Variants in SYNE2 observed in about 807,000 individuals in gnomAD.
SYNE2 encodes nesprin-2.
A neutral mutation model predicts 856.3 loss-of-function variants in SYNE2; 431 were observed. The observed-to-expected ratio is 0.50, with a 90% CI of 0.47 to 0.55. The LOEUF (loss-of-function observed/expected upper bound fraction) is 0.55, where lower values mean the gene tolerates loss of function less well. Ranked by LOEUF, SYNE2 falls within the 20% of genes least tolerant of loss-of-function variation. The pLI is 0.00. For missense variants in SYNE2, 8,129 were observed against 8,023.2 expected (o/e 1.01, Z -0.50); for synonymous variants, 2,923 against 2,872.3 (o/e 1.02, Z -0.56).
At chr14:63,960,451 C>T (rs1303936796) in intron 8 of SYNE2, among the ~76,000 whole-genome samples, 1 of 152,172 alleles carries the variant, frequency 6.6e-6, no homozygotes, top group Non-Finnish European at 1.5e-5. Context: ...CTAGCATCTA[C>T]TAGCTGAATG....
At chr14:64,064,959 G>A (rs1455358883) in intron 50 of SYNE2, among the ~76,000 whole-genome samples, 1 of 151,632 alleles carries the variant, frequency 6.6e-6, no homozygotes, top group Non-Finnish European at 1.5e-5. Flanking sequence ...GTGCCTCCCA[G>A]GTTCAGTCAA....
chr14:64,097,873 C>A, intron 61 of SYNE2, 76 bp from the exon 62 acceptor site: 1 of 1,459,100 alleles, frequency 6.9e-7, no homozygotes, highest in Non-Finnish European at 9.6e-7. Flanking sequence ...AGCCCTTGTA[C>A]CAAAGGAAGC....
At chr14:64,084,971 G>A (rs1317556312) in intron 57 of SYNE2, 5 of 702,204 alleles carry the variant, frequency 7.1e-6, no homozygotes, top group Middle Eastern at 2.3e-4. Flanking sequence ...TTACAGACAC[G>A]TGGGCTCCTC....
intron 99 of SYNE2, chr14:64,190,464 A>G: frequency 1.5e-6 from 1 of 649,480 alleles, no homozygotes; most frequent in South Asian, 1.8e-5. Context: ...CTTTACATGA[A>G]TTAGAGTAGT....
chr14:64,218,319 T>C (rs2098676518), intron 108 of SYNE2, 79 bp from the exon 109 acceptor site: 1 of 1,296,608 alleles, frequency 7.7e-7, no homozygotes, highest in Non-Finnish European at 1.1e-6. Context: ...TTCTTCACTG[T>C]TAATATGAAA....
intron 77 of SYNE2, among the ~76,000 whole-genome samples, chr14:64,132,715 A>G (rs2098034988): frequency 6.6e-6 from 1 of 152,206 alleles, no homozygotes; most frequent in South Asian, 2.1e-4. Flanking sequence ...GAGACCTTGA[A>G]TGAGATCATT....
At chr14:63,820,495 A>G (rs1205694900) in intron 1 of SYNE2, among the ~76,000 whole-genome samples, 1 of 152,228 alleles carries the variant, frequency 6.6e-6, no homozygotes, top group Non-Finnish European at 1.5e-5. Context: ...GACTAGGCAT[A>G]GTTCTTACAT....
chr14:63,940,538 C>T, intron 2 of SYNE2, 76 bp from the exon 3 acceptor site: 1 of 1,332,146 alleles, frequency 7.5e-7, no homozygotes, highest in Admixed American at 1.7e-5. Context: ...GCGTGACAGA[C>T]CTTTGAAGCT....
At chr14:63,800,708 G>A (rs913346482) in intron 1 of SYNE2, among the ~76,000 whole-genome samples, 7 of 152,194 alleles carry the variant, frequency 4.6e-5, no homozygotes, top group African/African-American at 1.7e-4. Context: ...AACTAATGCA[G>A]GAACAGAAAA....
chr14:63,794,169 C>A (rs951291309), intron 1 of SYNE2, among the ~76,000 whole-genome samples: 9 of 152,096 alleles, frequency 5.9e-5, no homozygotes, highest in African/African-American at 1.2e-4. Context: ...TCAACAATAA[C>A]TGGAAACTTT....
rs1005641881 is a variant in SYNE2 at position 64,173,429 on chromosome 14, G to A, written c.17236-1515G>A. On this transcript the variant is annotated intron_variant, in intron 94 of 115. Transcript: ENST00000555002. ...TTTCTCTTATTTGTGTGCTGCTCCT[G>A]AGGGTGCATTTGGCTTTCCTCCTTT... 1.3e-5 allele frequency among the ~76,000 whole-genome samples: 2 copies of A among 152,174 alleles called. 1 individual carries two copies. The highest frequency in any genetic ancestry group is 4.8e-5 in the African/African-American group (2 of 41,438).
chr14:64,001,487 C>T (rs1052438722), intron 28 of SYNE2, among the ~76,000 whole-genome samples: 2 of 152,042 alleles, frequency 1.3e-5, no homozygotes, highest in Non-Finnish European at 2.9e-5. Flanking sequence ...GAGTTCGAGA[C>T]CAGCCTGGTC....
chr14:64,156,198 A>G lies in SYNE2; in HGVS notation c.15793-2427A>G, dbSNP rs112927659. On this transcript the variant is annotated intron_variant, in intron 85 of 115. Coordinates refer to ENST00000555002, the MANE Select transcript of SYNE2 (RefSeq NM_182914.3). Reference sequence around the variant, plus strand: ...AAACCTCATGTACTGTGTCTTTTCCATGAAGCTTTATTATAAGGCCAGAAG... The same window carrying G: ...AAACCTCATGTACTGTGTCTTTTCCGTGAAGCTTTATTATAAGGCCAGAAG... Among the ~76,000 whole-genome samples, 108 of 152,116 alleles carry G rather than the reference A, an allele frequency of 7.1e-4. 1 individual carries two copies. Among genetic ancestry groups the G allele is most frequent in the Middle Eastern group, 3.4e-3 (1 of 294 alleles).
chr14:64,122,323 T>C lies in SYNE2; in HGVS notation c.13318T>C (p.Ser4440Pro). 3 of 1,614,188 alleles carry C rather than the reference T, an allele frequency of 1.9e-6. No homozygotes were observed. Among genetic ancestry groups the C allele is most frequent in the Non-Finnish European group, 2.5e-6 (3 of 1,180,026 alleles). Residue 4440 changes from serine to proline, a missense_variant, in exon 70 of 116, where the codon TCG becomes CCG. By Grantham distance (74) the Ser-to-Pro change is moderately conservative. This residue lies in a region of SYNE2 where 5,410 missense variants were observed against 5,284.8 expected (regional missense o/e 1.02). Coordinates refer to ENST00000555002, the MANE Select transcript of SYNE2 (RefSeq NM_182914.3). The part of the protein sequence containing the change: ...ASSPENDVPD[S>P]ILSPQGQNGD... ...CAGCCCTGAAAATGACGTTCCAGACTCGATCTTGTCACCCCAGGGCCAAAA... is the reference window on the plus strand; with the variant it reads ...CAGCCCTGAAAATGACGTTCCAGACCCGATCTTGTCACCCCAGGGCCAAAA...
intron 11 of SYNE2, among the ~76,000 whole-genome samples, chr14:63,975,382 G>A (rs1424478627): frequency 1.3e-5 from 2 of 152,148 alleles, no homozygotes; most frequent in African/African-American, 2.4e-5. Flanking sequence ...ATCCAGGCTG[G>A]AGTGCAGTGG....
intron 105 of SYNE2, 65 bp from the exon 106 acceptor site, chr14:64,214,129 C>G (rs1219103299): frequency 6.2e-7 from 1 of 1,612,934 alleles, no homozygotes; most frequent in Non-Finnish European, 8.5e-7. Flanking sequence ...GCAGACTTCT[C>G]ATGCTCTTCT....
At chr14:63,920,863 C>T (rs973483309) in intron 2 of SYNE2, among the ~76,000 whole-genome samples, 6 of 152,072 alleles carry the variant, frequency 3.9e-5, no homozygotes, top group Non-Finnish European at 7.4e-5. Flanking sequence ...CCTGTAATTC[C>T]AGCACTTTGG....
At chr14:64,067,948 C>T (rs2097370145) in intron 51 of SYNE2, among the ~76,000 whole-genome samples, 1 of 152,128 alleles carries the variant, frequency 6.6e-6, no homozygotes, top group Non-Finnish European at 1.5e-5. Context: ...GTTTTTTGGT[C>T]TCCTTCATTG....
chr14:64,059,417 CAG>C (rs1018311594), intron 49 of SYNE2, among the ~76,000 whole-genome samples: 1 of 152,196 alleles, frequency 6.6e-6, no homozygotes, highest in African/African-American at 2.4e-5. Context: ...GTGGTTTTTG[CAG>C]AGTCATAGAG....
Sources: gnomAD v4.1 joint callset for allele counts (sites outside exome capture counted in the v4.1 genomes callset) on GRCh38, gnomAD v4.1.1 for gene constraint, gnomAD v4.1.1 regional missense constraint, MANE v1.5 for transcripts, NCBI Gene and HGNC (gene_info 2026-07-23, HGNC 2026-07-21) for gene names.